UNC5B: variants seen among roughly 807,000 people sequenced by gnomAD.
UNC5B encodes netrin receptor UNC5B.
Under a neutral mutation model 103.7 loss-of-function variants are expected in UNC5B, and 56 were observed. The observed-to-expected ratio is 0.54, with a 90% CI of 0.44 to 0.67. UNC5B has a LOEUF of 0.67. Among genes scored for constraint, UNC5B ranks in the 30% least tolerant of loss-of-function variants. The pLI, the probability that UNC5B is intolerant of heterozygous loss-of-function variation, is 0.00. For missense variants in UNC5B, 1,194 were observed against 1,284.5 expected (o/e 0.93, Z 1.08); for synonymous variants, 577 against 542.0 (o/e 1.06, Z -0.90).
chr10:71,258,888 C>T (rs1844351616), intron 1 of UNC5B, among the ~76,000 whole-genome samples: 1 of 152,244 alleles, frequency 6.6e-6, no homozygotes, highest in African/African-American at 2.4e-5. Flanking sequence ...CCCTCTTGTC[C>T]TCCCCGCCCA....
chr10:71,225,506 C>T (rs375957131), intron 1 of UNC5B, among the ~76,000 whole-genome samples: 20 of 152,292 alleles, frequency 1.3e-4, no homozygotes, highest in African/African-American at 3.1e-4. Context: ...CATCCCAGAG[C>T]GGAGGAGGCC....
At chr10:71,288,453 C>T (rs1048280994) in intron 6 of UNC5B, 115 bp from the exon 7 acceptor site, 8 of 1,447,054 alleles carry the variant, frequency 5.5e-6, no homozygotes, top group Non-Finnish European at 7.4e-6. Flanking sequence ...TTCCTCATTT[C>T]CTTCCATGGT....
chr10:71,232,668 C>G (rs1293086091), intron 1 of UNC5B, among the ~76,000 whole-genome samples: 1 of 152,276 alleles, frequency 6.6e-6, no homozygotes, highest in Non-Finnish European at 1.5e-5. Flanking sequence ...AGAAGGAGCT[C>G]TTACTGCCGA....
chr10:71,298,368 A>T (rs1845498686), intron 16 of UNC5B, among the ~76,000 whole-genome samples: 1 of 152,162 alleles, frequency 6.6e-6, no homozygotes, highest in South Asian at 2.1e-4. Flanking sequence ...CCACCTGCCC[A>T]TCTCACCGAA....
chr10:71,301,366 G>A lies in UNC5B; in HGVS notation c.*2089G>A, dbSNP rs1256454800. 6.6e-6 allele frequency: 1 copy of A among 152,330 alleles called. No homozygotes were observed. The highest frequency in any genetic ancestry group is 1.9e-4 in the East Asian group (1 of 5,200). 9.4% of individuals were successfully genotyped at this position (152,330 alleles called of 1,614,324 possible). On this transcript the variant is annotated 3_prime_UTR_variant, in exon 17 of 17. Transcript: ENST00000335350. ...AAGGAGGACTTGCCTGGAGATTTGA[G>A]AGAAGATTCCTTCTACCAGGGCTGC... is the stretch of plus-strand genomic sequence containing the variant.
At chr10:71,241,366 A>G (rs544672395) in intron 1 of UNC5B, among the ~76,000 whole-genome samples, 1 of 152,230 alleles carries the variant, frequency 6.6e-6, no homozygotes, top group Non-Finnish European at 1.5e-5. Context: ...TCCTACAGGC[A>G]CCTGGCTTGT....
intron 15 of UNC5B, among the ~76,000 whole-genome samples, chr10:71,297,459 C>T (rs1845470762): frequency 6.6e-6 from 1 of 152,206 alleles, no homozygotes; most frequent in Admixed American, 6.5e-5. Context: ...CCCAGGCCAC[C>T]CAGGGTGACA....
At chr10:71,243,636 G>A (rs1303430119) in intron 1 of UNC5B, among the ~76,000 whole-genome samples, 1 of 152,276 alleles carries the variant, frequency 6.6e-6, no homozygotes, top group Middle Eastern at 3.4e-3. Context: ...TTCCCCGGGG[G>A]GCTTGGGAAG....
chr10:71,253,644 G>T (rs1844226066), intron 1 of UNC5B, among the ~76,000 whole-genome samples: 1 of 152,200 alleles, frequency 6.6e-6, no homozygotes. Flanking sequence ...CTGGTTCCTG[G>T]CTGAAAGCAT....
chr10:71,266,378 T>C (rs901138060), intron 1 of UNC5B, among the ~76,000 whole-genome samples: 6 of 152,138 alleles, frequency 3.9e-5, no homozygotes, highest in Non-Finnish European at 8.8e-5. Context: ...TCTCACGGTG[T>C]CCTCAGCTGG....
intron 1 of UNC5B, among the ~76,000 whole-genome samples, chr10:71,257,964 G>A (rs1334048431): frequency 6.6e-6 from 1 of 152,256 alleles, no homozygotes; most frequent in African/African-American, 2.4e-5. Flanking sequence ...CCTCTTTAGA[G>A]GTGGGGAAAC....
chr10:71,282,736 TC>T (rs970332924), intron 2 of UNC5B, among the ~76,000 whole-genome samples: 87 of 151,920 alleles, frequency 5.7e-4, no homozygotes, highest in Non-Finnish European at 5.6e-4. Flanking sequence ...GACGGGGCTG[TC>T]CCCCATCTGG....
chr10:71,288,956 A>C lies in UNC5B; in HGVS notation c.1067-2A>C, dbSNP rs1212669567. 15 of 1,613,600 alleles carry C rather than the reference A, an allele frequency of 9.3e-6. No homozygotes were observed. Among genetic ancestry groups the C allele is most frequent in the Non-Finnish European group, 1.2e-5 (14 of 1,179,698 alleles). On this transcript the variant is annotated splice_acceptor_variant, in intron 7 of 16. Coordinates refer to ENST00000335350, the MANE Select transcript of UNC5B (RefSeq NM_170744.5). LOFTEE classifies it high-confidence loss of function. ...TGTCTTTCCCTTTATTTCCCTTGAC[A>C]GATAAGAAAACTCTAAGCGACCCCA...
At chr10:71,298,154 G>T (rs1187437759) in intron 16 of UNC5B, 64 bp downstream of exon 16, 2 of 1,511,004 alleles carry the variant, frequency 1.3e-6, no homozygotes, top group Non-Finnish European at 1.8e-6. Context: ...ACAGGGGCAG[G>T]CAGGGCAGGC....
intron 1 of UNC5B, among the ~76,000 whole-genome samples, chr10:71,252,881 C>T (rs1321382203): frequency 6.6e-6 from 1 of 152,118 alleles, no homozygotes; most frequent in African/African-American, 2.4e-5. Flanking sequence ...CGGGTCTCCC[C>T]AGGAGAGTAG....
chr10:71,219,253 G>A (rs955489231), intron 1 of UNC5B, among the ~76,000 whole-genome samples: 1 of 151,950 alleles, frequency 6.6e-6, no homozygotes, highest in African/African-American at 2.4e-5. Flanking sequence ...GTTTGTATTA[G>A]TCAGGGTTCT....
At chr10:71,251,339 T>C (rs1227493464) in intron 1 of UNC5B, among the ~76,000 whole-genome samples, 1 of 152,236 alleles carries the variant, frequency 6.6e-6, no homozygotes, top group Non-Finnish European at 1.5e-5. Context: ...TATGTCTTCA[T>C]GCGGTTTTTA....
chr10:71,221,651 C>T (rs1489655153), intron 1 of UNC5B, among the ~76,000 whole-genome samples: 1 of 152,166 alleles, frequency 6.6e-6, no homozygotes, highest in East Asian at 1.9e-4. Context: ...AAGTGCCTGG[C>T]CTGTGATGCT....
intron 1 of UNC5B, among the ~76,000 whole-genome samples, chr10:71,271,192 C>A (rs1196305597): frequency 6.6e-6 from 1 of 152,226 alleles, no homozygotes; most frequent in Non-Finnish European, 1.5e-5. Flanking sequence ...AATAGCTGTC[C>A]CTGCTGGGTT....
Sources: gnomAD v4.1 joint callset for allele counts (sites outside exome capture counted in the v4.1 genomes callset) on GRCh38, gnomAD v4.1.1 for gene constraint, MANE v1.5 for transcripts, NCBI Gene and HGNC (gene_info 2026-07-23, HGNC 2026-07-21) for gene names.